Variants in SLC8A1 observed in about 807,000 individuals in gnomAD.
The protein encoded by SLC8A1 is sodium/calcium exchanger 1.
Under a neutral mutation model 68.3 loss-of-function variants are expected in SLC8A1, and 18 were observed. The ratio of observed to expected loss-of-function variants is 0.26; its 90% confidence interval spans 0.18 to 0.39. The LOEUF (loss-of-function observed/expected upper bound fraction) is 0.39. Ranked by LOEUF, SLC8A1 falls within the 10% of genes least tolerant of loss-of-function variation. The pLI is 1.00. For synonymous variants in SLC8A1, 475 were observed against 415.5 expected (o/e 1.14, Z -1.74); for missense variants, 985 against 1,156.7 (o/e 0.85, Z 2.15).
exon 3 of SLC8A1, chr2:40,177,780 T>C: frequency 6.4e-7 from 1 of 1,550,682 alleles, no homozygotes; most frequent in Non-Finnish European, 8.7e-7. Flanking sequence ...TCCATTTTGG[T>C]TCCTCAAGCA....
At chr2:40,203,090 A>G (rs2054708752) in intron 2 of SLC8A1, among the ~76,000 whole-genome samples, 1 of 151,958 alleles carries the variant, frequency 6.6e-6, no homozygotes, top group Non-Finnish European at 1.5e-5. Context: ...CAGTCGATAA[A>G]ACAAAAGGAT....
At chr2:40,192,989 G>A (rs12104840) in intron 2 of SLC8A1, among the ~76,000 whole-genome samples, 67,717 of 151,930 alleles carry the variant, frequency 0.45, 17,578 homozygotes, top group Non-Finnish European at 0.6. Flanking sequence ...ACAGCATTAA[G>A]TATGTGTGCA....
At chr2:40,244,967 G>A (rs1433226191) in intron 2 of SLC8A1, among the ~76,000 whole-genome samples, 1 of 152,148 alleles carries the variant, frequency 6.6e-6, no homozygotes, top group Admixed American at 6.5e-5. Context: ...AAGGAACCTA[G>A]GAAATCAAAA....
At chr2:40,179,895 T>G (rs989375426) in intron 2 of SLC8A1, among the ~76,000 whole-genome samples, 1 of 152,220 alleles carries the variant, frequency 6.6e-6, no homozygotes, top group African/African-American at 2.4e-5. Context: ...GGCTTAGCAT[T>G]GTAGACCTGA....
chr2:40,455,067 C>T (rs939083185), upstream of SLC8A1, among the ~76,000 whole-genome samples: 3 of 152,162 alleles, frequency 2.0e-5, no homozygotes, highest in Admixed American at 6.5e-5. Flanking sequence ...CAAAGCAATA[C>T]GACACAACCA....
At chr2:40,441,739 T>C (rs1442373884) in intron 1 of SLC8A1, among the ~76,000 whole-genome samples, 1 of 152,056 alleles carries the variant, frequency 6.6e-6, no homozygotes, top group Non-Finnish European at 1.5e-5. Context: ...ACTGGACCCC[T>C]TCCCTACACC....
chr2:40,403,980 G>T (rs1689552649), intron 2 of SLC8A1, among the ~76,000 whole-genome samples: 1 of 152,070 alleles, frequency 6.6e-6, no homozygotes. Context: ...ATTAACTTAG[G>T]TTTATCATGG....
At chr2:40,451,746 CA>C in intron 1 of SLC8A1, among the ~76,000 whole-genome samples, 157 bp downstream of exon 1, 1 of 108,054 alleles carries the variant, frequency 9.3e-6, no homozygotes, top group South Asian at 2.7e-4. Context: ...ATCACACACA[CA>C]CACACACACA....
upstream of SLC8A1, among the ~76,000 whole-genome samples, chr2:40,454,037 T>C (rs1702840607): frequency 1.3e-5 from 2 of 152,220 alleles, no homozygotes; most frequent in Non-Finnish European, 2.9e-5. Context: ...CTAGTGGATA[T>C]AAACAGAATG....
chr2:40,253,040 A>T (rs201748715), intron 2 of SLC8A1, among the ~76,000 whole-genome samples: 25 of 87,698 alleles, frequency 2.9e-4, no homozygotes, highest in African/African-American at 4.6e-4. Context: ...CATATGTATC[A>T]GTATATGTAT....
At chr2:40,203,206 C>G (rs1182891916) in intron 2 of SLC8A1, among the ~76,000 whole-genome samples, 2 of 152,012 alleles carry the variant, frequency 1.3e-5, no homozygotes, top group African/African-American at 4.8e-5. Context: ...CCAAATGTCA[C>G]TTACTAGAAA....
At chr2:40,432,925 G>A (rs947791450) in intron 1 of SLC8A1, among the ~76,000 whole-genome samples, 1 of 152,052 alleles carries the variant, frequency 6.6e-6, no homozygotes, top group African/African-American at 2.4e-5. Context: ...TGGTACAGAA[G>A]ATATTTAACA....
At chr2:40,389,512 A>T (rs1205752868) in intron 2 of SLC8A1, among the ~76,000 whole-genome samples, 1 of 152,092 alleles carries the variant, frequency 6.6e-6, no homozygotes, top group Non-Finnish European at 1.5e-5. Flanking sequence ...ACTGAGACAA[A>T]ATGTGGTTAC....
intron 2 of SLC8A1, among the ~76,000 whole-genome samples, chr2:40,232,169 C>T (rs778024130): frequency 4.5e-4 from 68 of 151,936 alleles, no homozygotes; most frequent in Admixed American, 1.2e-3. Flanking sequence ...GCTTTGGAAA[C>T]GGAAAACCTT....
At chr2:40,241,826 T>C (rs1225113757) in intron 2 of SLC8A1, among the ~76,000 whole-genome samples, 2 of 152,198 alleles carry the variant, frequency 1.3e-5, no homozygotes, top group African/African-American at 2.4e-5. Flanking sequence ...CATTGCCTAT[T>C]TGTTCCAATC....
At chr2:40,314,737 C>G (rs1575327012) in intron 2 of SLC8A1, among the ~76,000 whole-genome samples, 1 of 151,802 alleles carries the variant, frequency 6.6e-6, no homozygotes, top group East Asian at 1.9e-4. Context: ...AGATTTATCC[C>G]CAAGTATTTT....
chr2:40,354,189 C>T (rs1307000302), intron 2 of SLC8A1, among the ~76,000 whole-genome samples: 1 of 152,144 alleles, frequency 6.6e-6, no homozygotes, highest in Non-Finnish European at 1.5e-5. Flanking sequence ...TTTCTCCCAA[C>T]TTTGCAATGA....
At chr2:40,498,831 A>C (rs1576673354) in intron 1 of SLC8A1, among the ~76,000 whole-genome samples, 1 of 152,090 alleles carries the variant, frequency 6.6e-6, no homozygotes, top group South Asian at 2.1e-4. Context: ...TAAAAATCTT[A>C]ATAGAGGAAA....
At chr2:40,197,486 A>G (rs1019061102) in intron 2 of SLC8A1, among the ~76,000 whole-genome samples, 1 of 152,030 alleles carries the variant, frequency 6.6e-6, no homozygotes, top group Non-Finnish European at 1.5e-5. Context: ...ACTGACTTGT[A>G]TGAATAAAAC....
Sources: gnomAD v4.1 joint callset for allele counts (sites outside exome capture counted in the v4.1 genomes callset) on GRCh38, gnomAD v4.1.1 for gene constraint, MANE v1.5 for transcripts, NCBI Gene and HGNC (gene_info 2026-07-23, HGNC 2026-07-21) for gene names.